Variants in MAP3K2 observed in about 807,000 individuals in gnomAD.
MAP3K2 encodes mitogen-activated protein kinase kinase kinase 2.
MAP3K2 carries 24 observed loss-of-function variants against 80.3 expected under a neutral mutation model. The observed-to-expected ratio is 0.30, with a 90% CI of 0.22 to 0.42. The LOEUF (loss-of-function observed/expected upper bound fraction) is 0.42. Ranked by LOEUF, MAP3K2 falls within the 10% of genes least tolerant of loss-of-function variation. The pLI is 1.00. For synonymous variants in MAP3K2, 244 were observed against 253.7 expected, an observed-to-expected ratio of 0.96 and a Z score of 0.36; for missense variants, 608 against 750.1, an observed-to-expected ratio of 0.81 and a Z score of 2.21.
rs185528995 is a variant in MAP3K2, at chr2:127,385,514, T to C, written c.-66+1938A>G. ...AGTTTATGTGACTCACTTCTTTTCC[T>C]TTATTGCAGTGGTCTGGAACCAAAG... On this transcript the variant is annotated intron_variant, in intron 1 of 16. Transcript: ENST00000682094. Among the ~76,000 whole-genome samples the C allele has an allele frequency of 3.3e-4, 50 of 152,374 alleles. 1 individual carries two copies. The East Asian group carries it at 9.1e-3, about 28-fold the overall frequency.
intron 9 of MAP3K2, among the ~76,000 whole-genome samples, chr2:127,324,928 G>A (rs1686101855): frequency 6.6e-6 from 1 of 152,144 alleles, no homozygotes; most frequent in Non-Finnish European, 1.5e-5. Flanking sequence ...TTTCACAAAA[G>A]TACTTAAATT....
rs1053931864 is a variant in MAP3K2 at position 127,354,861 on chromosome 2, G to A, written c.-65-11667C>T. ...ATGTTCAAGCAGATAGAGGGAAGAT[G>A]CTAAGTGGAGGCATGGAAGATGTTT... On this transcript the variant is annotated intron_variant, in intron 1 of 16. Coordinates refer to ENST00000682094, the MANE Select transcript of MAP3K2 (RefSeq NM_001371910.2). Among the ~76,000 whole-genome samples the A allele has an allele frequency of 8.5e-5, 13 of 152,094 alleles. No individual in the cohort carries two copies. The East Asian group carries it at 1.5e-3, about 18-fold the overall frequency.
At chr2:127,327,954 A>C (rs1355718721) in intron 7 of MAP3K2, among the ~76,000 whole-genome samples, 3 of 152,210 alleles carry the variant, frequency 2.0e-5, no homozygotes, top group Non-Finnish European at 2.9e-5. Context: ...TAACTAGTAC[A>C]TTTAGCTTGT....
chr2:127,317,593 T>C (rs1259635449), intron 14 of MAP3K2, 36 bp downstream of exon 14: 38 of 1,461,252 alleles, frequency 2.6e-5, no homozygotes, highest in Non-Finnish European at 3.5e-5. Context: ...AAATTTTAAA[T>C]AGAATGTGTA....
At chr2:127,366,395 A>C (rs1471646160) in intron 1 of MAP3K2, among the ~76,000 whole-genome samples, 5 of 151,716 alleles carry the variant, frequency 3.3e-5, no homozygotes, top group Admixed American at 3.3e-4. Flanking sequence ...AAAAAAAAAA[A>C]AAAAACCCAA....
Position 127,303,082 on chromosome 2 carries a change from C to T in MAP3K2, c.*4497G>A, listed in dbSNP as rs565623468. 2 of 152,010 alleles carry T rather than the reference C, an allele frequency of 1.3e-5. No homozygotes were observed. The highest frequency in any genetic ancestry group is 2.4e-5 in the African/African-American group (1 of 41,492). 9.4% of individuals were successfully genotyped at this position (152,010 alleles called of 1,614,324 possible). ...TAAGGCATACAGAGAAAAGGCACTA[C>T]TAAAAATTAACAATTGGATTGCTTT... On this transcript the variant is annotated 3_prime_UTR_variant, in exon 17 of 17. Transcript: ENST00000682094.
rs1686036795 is a variant in MAP3K2 at position 127,322,186 on chromosome 2, C to G, written c.905G>C (p.Ser302Thr). 6.2e-7 allele frequency: 1 copy of G among 1,613,966 alleles called. No homozygotes were observed. The highest frequency in any genetic ancestry group is 2.2e-5 in the East Asian group (1 of 44,882). ...AGTGCTTAAGGAATGATCAGTAGGA[C>G]TGAAACTCACAGGAGACCGTAAGCT... ...GTSLRSPVSF[S>T]PTDHSLSTSS... The change falls in exon 12 of 17, where the codon AGT (serine) becomes ACT (threonine). Residue 302 changes from serine (S) to threonine (T), a missense_variant. Around this residue, in one of 4 missense-constraint regions of MAP3K2, gnomAD observed 467 missense variants for 521.9 expected, o/e 0.89. Transcript: ENST00000682094. The surrounding 1 kb of genome is among the most constrained non-coding windows in gnomAD (Gnocchi z 4.2).
rs1685755711 is a variant in MAP3K2 at position 127,308,724 on chromosome 2, G to A, written c.1495C>T (p.Leu499=). 1 of 1,613,912 alleles carries A rather than the reference G, an allele frequency of 6.2e-7. No individual in the cohort carries two copies. The highest frequency in any genetic ancestry group is 8.5e-7 in the Non-Finnish European group (1 of 1,179,850). Reference sequence around the variant, plus strand: ...CGTTTGCTGGCCCCAAAATCTCCTAGTTTGACGTTGCCTGTTGAATCTCGC... The same window carrying A: ...CGTTTGCTGGCCCCAAAATCTCCTAATTTGACGTTGCCTGTTGAATCTCGC... ...ILRDSTGNVK[L]GDFGASKRLQ... Residue 499 remains leucine, a synonymous_variant, in exon 16 of 17, where the codon CTA becomes TTA. Transcript: ENST00000682094.
intron 1 of MAP3K2, among the ~76,000 whole-genome samples, chr2:127,373,591 A>G (rs1687101758): frequency 6.6e-6 from 1 of 152,218 alleles, no homozygotes; most frequent in Non-Finnish European, 1.5e-5. Context: ...GAAGAAGTAG[A>G]GCAATTTATC....
intron 5 of MAP3K2, among the ~76,000 whole-genome samples, chr2:127,331,313 T>C (rs1347485379): frequency 1.3e-5 from 2 of 152,212 alleles, no homozygotes; most frequent in Non-Finnish European, 2.9e-5. Flanking sequence ...GTATATTCCA[T>C]TTCATTGAAG....
chr2:127,349,360 C>CAGTG (rs2104857429), intron 1 of MAP3K2, among the ~76,000 whole-genome samples: 1 of 152,064 alleles, frequency 6.6e-6, no homozygotes, highest in East Asian at 1.9e-4. Flanking sequence ...TATATGGCGT[C>CAGTG]TCACTGTGTT....
Position 127,323,365 on chromosome 2 carries a change from G to GA in MAP3K2, c.838+536dup, listed in dbSNP as rs765786333. Among the ~76,000 whole-genome samples, 1,226 of 137,534 alleles carry GA rather than the reference G, an allele frequency of 8.9e-3. 3 individuals are homozygous for GA. Among genetic ancestry groups the GA allele is most frequent in the African/African-American group, 0.015 (556 of 37,476 alleles). 90.2% of individuals were successfully genotyped at this position (137,534 alleles called of 152,430 possible). A position where few individuals can be genotyped will look rare whatever the true frequency, so the allele number is the denominator to read the frequency against. ...AACAGAGTGAGACTCTGTCTCAGGG[G>GA]AAAAAAAAAAAAGAAAGAAAGAAAA... On this transcript the variant is annotated intron_variant, in intron 11 of 16. Transcript: ENST00000682094.
intron 12 of MAP3K2, among the ~76,000 whole-genome samples, 165 bp from the exon 13 acceptor site, chr2:127,318,482 CTCTT>C (rs1685951655): frequency 6.6e-6 from 1 of 152,124 alleles, no homozygotes; most frequent in South Asian, 2.1e-4. Flanking sequence ...TCAAATTTTT[CTCTT>C]TCGTCAATTT....
Position 127,339,100 on chromosome 2 carries a change from A to G in MAP3K2, c.5-50T>C, listed in dbSNP as rs1407356514. Reference sequence around the variant, plus strand: ...ACATAGAATTGTAATTGTGACATATATATCAACATGTATAGACATCAAACA... The same window carrying G: ...ACATAGAATTGTAATTGTGACATATGTATCAACATGTATAGACATCAAACA... On this transcript the variant is annotated intron_variant, in intron 2 of 16. Transcript: ENST00000682094. The surrounding 1 kb of genome is among the most constrained non-coding windows in gnomAD (Gnocchi z 4.2). 1 of 1,125,534 alleles carries G rather than the reference A, an allele frequency of 8.9e-7. No individual in the cohort carries two copies. The highest frequency in any genetic ancestry group is 1.5e-5 in the African/African-American group (1 of 64,938). 69.7% of individuals were successfully genotyped at this position (1,125,534 alleles called of 1,614,324 possible).
In MAP3K2 at chr2:127,322,831, G is replaced by A. The variant is rs1488971858; in HGVS notation, c.839-579C>T. Reference sequence around the variant, plus strand: ...GCTGGTCTCATACTCCTGACCTCAGGTGATCCACCCGCCTCGGCCTCCCAA... The same window carrying A: ...GCTGGTCTCATACTCCTGACCTCAGATGATCCACCCGCCTCGGCCTCCCAA... On this transcript the variant is annotated intron_variant, in intron 11 of 16. Transcript: ENST00000682094. The surrounding 1 kb of genome is among the most constrained non-coding windows in gnomAD (Gnocchi z 4.2). Among the ~76,000 whole-genome samples, 1 of 151,506 alleles carries A rather than the reference G, an allele frequency of 6.6e-6. No individual in the cohort carries two copies. The highest frequency in any genetic ancestry group is 1.5e-5 in the Non-Finnish European group (1 of 67,784).
intron 1 of MAP3K2, among the ~76,000 whole-genome samples, chr2:127,369,196 C>T (rs1030220419): frequency 6.0e-5 from 9 of 150,974 alleles, no homozygotes; most frequent in East Asian, 5.9e-4. Flanking sequence ...GTGATCTGCC[C>T]GCCTCGGCCT....
chr2:127,316,983 A>G (rs1303790035), intron 14 of MAP3K2: 2 of 152,168 alleles, frequency 1.3e-5, no homozygotes, highest in Non-Finnish European at 2.9e-5. Context: ...TATAACTAAA[A>G]TTATAAAAAA....
intron 1 of MAP3K2, 44 bp downstream of exon 1, chr2:127,387,408 A>ACACACACACGCGCG (rs1687382724): frequency 1.2e-6 from 1 of 833,662 alleles, no homozygotes; most frequent in African/African-American, 1.9e-5. Flanking sequence ...GCACACACAC[A>ACACACACACGCGCG]CACACACACA....
intron 2 of MAP3K2, among the ~76,000 whole-genome samples, chr2:127,342,683 A>G (rs971930931): frequency 3.7e-4 from 1 of 2,706 alleles, no homozygotes; most frequent in South Asian, 0.083. Flanking sequence ...GGAGGTAAAC[A>G]GGAAAACAAA....
Sources: gnomAD v4.1 joint callset for allele counts (sites outside exome capture counted in the v4.1 genomes callset) on GRCh38, gnomAD v4.1.1 for gene constraint, gnomAD v4.1.1 regional missense constraint, Gnocchi (gnomAD v3.1) non-coding constraint, MANE v1.5 for transcripts, NCBI Gene and HGNC (gene_info 2026-07-23, HGNC 2026-07-21) for gene names.